PPP1CB: variants seen among roughly 807,000 people sequenced by gnomAD.
PPP1CB encodes protein phosphatase 1 catalytic subunit beta.
Under a neutral mutation model 43.7 loss-of-function variants are expected in PPP1CB, and 2 were observed. The observed-to-expected ratio is 0.05, with a 90% CI of 0.02 to 0.14. The LOEUF (loss-of-function observed/expected upper bound fraction) is 0.14. PPP1CB is among the 10% of genes least tolerant of loss of function. PPP1CB has a pLI of 1.00. For synonymous variants in PPP1CB, 136 were observed against 135.6 expected, an observed-to-expected ratio of 1.00 and a Z score of -0.02; for missense variants, 84 against 398.0, an observed-to-expected ratio of 0.21 and a Z score of 6.71.
At position 28,784,168 on chromosome 2, in the gene PPP1CB, C is replaced by T. The variant is rs113096793; in HGVS notation, c.592+190C>T. ...TCACTTTGCACTGATCCTCAAAATG[C>T]GGAACCTTTTTATTTATAGTCATAA... On this transcript the variant is annotated intron_variant, in intron 5 of 7. Coordinates refer to ENST00000395366, the MANE Select transcript of PPP1CB (RefSeq NM_002709.3). Among the ~76,000 whole-genome samples the T allele has an allele frequency of 0.014, 2,146 of 152,240 alleles. 46 individuals carry two copies. Among genetic ancestry groups the T allele is most frequent in the African/African-American group, 0.048 (1,994 of 41,542 alleles).
At chr2:28,772,742 A>G (rs1666940593) in intron 1 of PPP1CB, among the ~76,000 whole-genome samples, 1 of 152,156 alleles carries the variant, frequency 6.6e-6, no homozygotes, top group African/African-American at 2.4e-5. Context: ...GAGTATTTGT[A>G]TTATACTTAC....
chr2:28,757,916 C>T (rs1487695141), intron 1 of PPP1CB, among the ~76,000 whole-genome samples: 1 of 150,968 alleles, frequency 6.6e-6, no homozygotes, highest in Non-Finnish European at 1.5e-5. Flanking sequence ...AGAGACAAAG[C>T]CACATTAAGA....
chr2:28,797,574 G>A (rs112184462), intron 7 of PPP1CB, among the ~76,000 whole-genome samples: 67 of 152,060 alleles, frequency 4.4e-4, no homozygotes, highest in African/African-American at 1.5e-3. Flanking sequence ...TCTTGGGAGC[G>A]CATGTGTGTT....
At chr2:28,755,672 CTG>C (rs1666472894) in intron 1 of PPP1CB, among the ~76,000 whole-genome samples, 1 of 152,272 alleles carries the variant, frequency 6.6e-6, no homozygotes, top group South Asian at 2.1e-4. Flanking sequence ...GCAGAATCAT[CTG>C]GGGAACTTCA....
At chr2:28,767,736 TATA>T (rs1173876140) in intron 1 of PPP1CB, among the ~76,000 whole-genome samples, 2 of 152,246 alleles carry the variant, frequency 1.3e-5, no homozygotes, top group Non-Finnish European at 1.5e-5. Flanking sequence ...TTGAGTTTCA[TATA>T]ATTTTTATAT....
chr2:28,753,056 T>C (rs749313806), intron 1 of PPP1CB, among the ~76,000 whole-genome samples: 6 of 152,242 alleles, frequency 3.9e-5, no homozygotes, highest in Non-Finnish European at 7.3e-5. Context: ...AGAGGTGGAC[T>C]AGCCGGGAGT....
At chr2:28,754,025 C>A (rs1170111378) in intron 1 of PPP1CB, among the ~76,000 whole-genome samples, 1 of 152,134 alleles carries the variant, frequency 6.6e-6, no homozygotes, top group Admixed American at 6.5e-5. Context: ...CGTGAGCCAT[C>A]GCGCCCGGCA....
chr2:28,769,585 C>T (rs1343875295), intron 1 of PPP1CB, among the ~76,000 whole-genome samples: 1 of 152,078 alleles, frequency 6.6e-6, no homozygotes, highest in Non-Finnish European at 1.5e-5. Flanking sequence ...AAGAAAATAA[C>T]AGATAAAAGC....
intron 1 of PPP1CB, among the ~76,000 whole-genome samples, chr2:28,773,795 A>G (rs148470626): frequency 1.7e-3 from 259 of 152,296 alleles, no homozygotes; most frequent in Middle Eastern, 6.8e-3. Context: ...CTAATTTCTA[A>G]AACTCTTGTC....
chr2:28,783,812 G>T (rs1667206566), intron 4 of PPP1CB, 95 bp from the exon 5 acceptor site: 1 of 804,048 alleles, frequency 1.2e-6, no homozygotes. Context: ...ATTTCACATA[G>T]TGAATCTATT....
rs980872073 is a variant in PPP1CB at position 28,751,897 on chromosome 2, G to A, written c.-228G>A. 3.3e-5 allele frequency: 20 copies of A among 607,214 alleles called. No homozygotes were observed. In the African/African-American group the frequency reaches 3.6e-4, roughly 11 times the overall value. 37.6% of individuals were successfully genotyped at this position (607,214 alleles called of 1,614,324 possible). A position where few individuals can be genotyped will look rare whatever the true frequency, so the allele number is the denominator to read the frequency against. On this transcript the variant is annotated 5_prime_UTR_variant, in exon 1 of 8. Coordinates refer to ENST00000395366, the MANE Select transcript of PPP1CB (RefSeq NM_002709.3). ...GTCTGACGCGGCCCTGTTCGAGGGG[G>A]CCTCTCTTGTTTATTTATTTATTTT...
intron 1 of PPP1CB, among the ~76,000 whole-genome samples, chr2:28,761,212 G>C (rs899852086): frequency 4.6e-5 from 7 of 152,104 alleles, no homozygotes; most frequent in African/African-American, 1.7e-4. Flanking sequence ...CTGAGGGGGA[G>C]AAACTTGCAA....
intron 1 of PPP1CB, among the ~76,000 whole-genome samples, chr2:28,756,203 T>A (rs1304269883): frequency 6.6e-6 from 1 of 152,262 alleles, no homozygotes; most frequent in Non-Finnish European, 1.5e-5. Flanking sequence ...AAGTATTTTT[T>A]AACATATTAC....
At chr2:28,780,706 C>G (rs1434566479) in intron 3 of PPP1CB, among the ~76,000 whole-genome samples, 1 of 152,176 alleles carries the variant, frequency 6.6e-6, no homozygotes, top group Non-Finnish European at 1.5e-5. Flanking sequence ...CATAAAAGCA[C>G]AGGAAGTTAG....
chr2:28,791,827 C>G (rs1004765128), intron 6 of PPP1CB, among the ~76,000 whole-genome samples: 1 of 152,128 alleles, frequency 6.6e-6, no homozygotes, highest in African/African-American at 2.4e-5. Flanking sequence ...CTGAACTACG[C>G]TAGTTTGCAT....
chr2:28,776,439 T>G (rs1388331879), intron 1 of PPP1CB, among the ~76,000 whole-genome samples: 1 of 151,962 alleles, frequency 6.6e-6, no homozygotes, highest in Non-Finnish European at 1.5e-5. Context: ...TTTTGTATTT[T>G]TGGAGAGATG....
At chr2:28,783,067 T>C (rs754443729) in intron 4 of PPP1CB, among the ~76,000 whole-genome samples, 22 of 152,214 alleles carry the variant, frequency 1.4e-4, no homozygotes, top group Non-Finnish European at 2.5e-4. Context: ...AATAATAGCT[T>C]ATATACCACT....
At chr2:28,765,653 G>A (rs183505464) in intron 1 of PPP1CB, among the ~76,000 whole-genome samples, 14 of 152,298 alleles carry the variant, frequency 9.2e-5, no homozygotes, top group African/African-American at 3.4e-4. Flanking sequence ...ATGGTGGCTC[G>A]CGCCTTTAAT....
chr2:28,789,541 A>C (rs1478433699), intron 6 of PPP1CB, among the ~76,000 whole-genome samples: 5 of 151,988 alleles, frequency 3.3e-5, no homozygotes, highest in African/African-American at 1.2e-4. Context: ...AGTATACAGC[A>C]AACCTAACAA....
Sources: allele counts gnomAD v4.1 joint callset (sites outside exome capture counted in the v4.1 genomes callset), GRCh38; gene constraint gnomAD v4.1.1; transcripts MANE v1.5; gene names NCBI Gene and HGNC (gene_info 2026-07-23, HGNC 2026-07-21).